RXFP1: variants seen among roughly 807,000 people sequenced by gnomAD.
RXFP1 encodes relaxin family peptide receptor 1.
RXFP1 carries 73 observed loss-of-function variants against 89.8 expected under a neutral mutation model. That is an observed-to-expected ratio of 0.81 (90% CI 0.67 to 0.99). RXFP1 has a LOEUF of 0.99. Ranked by LOEUF, RXFP1 falls within the 50% of genes least tolerant of loss-of-function variation. RXFP1 has a pLI of 0.00. For missense variants in RXFP1, 793 were observed against 895.5 expected (o/e 0.89, Z 1.46); for synonymous variants, 277 against 305.5 (o/e 0.91, Z 0.97).
rs1042015986 is a variant in RXFP1 at position 158,531,047 on chromosome 4, C to CT, written c.49+9028dup. On this transcript the variant is annotated intron_variant, in intron 1 of 17. Coordinates refer to ENST00000307765, the MANE Select transcript of RXFP1 (RefSeq NM_021634.4). ...CTTCAATCCCCTAGAGGCTTTGAGT[C>CT]TTTTTTGAGACAGGGTCTTGCTCTC... Among the ~76,000 whole-genome samples, 8 of 152,172 alleles carry CT rather than the reference C, an allele frequency of 5.3e-5. No homozygotes were observed. In the South Asian group the frequency reaches 1.2e-3, roughly 24 times the overall value.
chr4:158,599,521 AT>A, intron 4 of RXFP1, 90 bp downstream of exon 4: 1 of 1,012,760 alleles, frequency 9.9e-7, no homozygotes, highest in Non-Finnish European at 1.4e-6. Context: ...TTCATAATAT[AT>A]TTTTATTCAA....
chr4:158,623,978 A>AT (rs907024667), intron 9 of RXFP1, among the ~76,000 whole-genome samples: 39 of 151,584 alleles, frequency 2.6e-4, no homozygotes, highest in African/African-American at 7.3e-4. Flanking sequence ...CCAACTCTAG[A>AT]TTTTTTTTTC....
chr4:158,629,701 A>G (rs147343881), intron 11 of RXFP1, among the ~76,000 whole-genome samples: 22 of 152,064 alleles, frequency 1.4e-4, no homozygotes, highest in African/African-American at 5.3e-4. Context: ...ATCATAGCTC[A>G]CCGTAACCTC....
chr4:158,563,539 C>G (rs973309424), intron 1 of RXFP1, among the ~76,000 whole-genome samples: 2 of 144,150 alleles, frequency 1.4e-5, no homozygotes, highest in African/African-American at 5.1e-5. Context: ...CACACACACC[C>G]CAACAGGAAT....
chr4:158,599,370 C>T lies in RXFP1; in HGVS notation c.331C>T (p.Leu111Phe), dbSNP rs779020499. The change falls in exon 4 of 18, where the codon CTT (leucine) becomes TTT (phenylalanine). Residue 111 changes from leucine to phenylalanine, a missense_variant. Coordinates refer to ENST00000307765, the MANE Select transcript of RXFP1 (RefSeq NM_021634.4). ...GCAATGTCTTTGCCAAGGTCTGGAGCTTGACTGTGATGAAACCAATTTACG... is the reference window on the plus strand; with the variant it reads ...GCAATGTCTTTGCCAAGGTCTGGAGTTTGACTGTGATGAAACCAATTTACG... ...PVQCLCQGLE[L>F]DCDETNLRAV... is the part of the protein sequence containing the mutation. 1 of 1,613,894 alleles carries T rather than the reference C, an allele frequency of 6.2e-7. No homozygotes were observed. The highest frequency in any genetic ancestry group is 1.1e-5 in the South Asian group (1 of 91,058).
chr4:158,622,276 A>G (rs575981047), intron 9 of RXFP1, among the ~76,000 whole-genome samples: 1 of 152,120 alleles, frequency 6.6e-6, no homozygotes, highest in African/African-American at 2.4e-5. Context: ...ACACCCCTGC[A>G]CTCCAGCCTG....
At chr4:158,600,319 A>G (rs1291148352) in intron 4 of RXFP1, among the ~76,000 whole-genome samples, 3 of 152,010 alleles carry the variant, frequency 2.0e-5, no homozygotes, top group Admixed American at 6.5e-5. Flanking sequence ...AAGAGCTACA[A>G]CTCAGAGTTC....
chr4:158,617,538 T>C (rs79062778), intron 9 of RXFP1, among the ~76,000 whole-genome samples: 9,014 of 151,874 alleles, frequency 0.059, 387 homozygotes, highest in Middle Eastern at 0.11. Context: ...CCTACTAATT[T>C]GGTACAGAAA....
At chr4:158,610,745 A>G in intron 6 of RXFP1, 1 of 1,273,258 alleles carries the variant, frequency 7.9e-7, no homozygotes, top group Non-Finnish European at 1.0e-6. Context: ...TTTGTATAAG[A>G]GAACACCCTG....
chr4:158,576,245 C>A (rs2150010029), intron 2 of RXFP1, among the ~76,000 whole-genome samples: 1 of 152,242 alleles, frequency 6.6e-6, no homozygotes, highest in Admixed American at 6.5e-5. Context: ...AATTCATCAA[C>A]ATTACCCAAG....
intron 3 of RXFP1, 141 bp downstream of exon 3, chr4:158,593,640 G>A: frequency 7.6e-6 from 4 of 527,438 alleles, no homozygotes; most frequent in South Asian, 3.2e-5. Flanking sequence ...ATTCGTAAGA[G>A]GTCAATTATA....
Position 158,633,364 on chromosome 4 carries a change from C to T in RXFP1, c.900-41C>T, listed in dbSNP as rs776023709. ...TGAATTTCAGAACAATGAGTAAAGT[C>T]TTAAGAAAATAATATCACATATTTG... On this transcript the variant is annotated intron_variant, in intron 11 of 17. Coordinates refer to ENST00000307765, the MANE Select transcript of RXFP1 (RefSeq NM_021634.4). 2.3e-6 allele frequency: 3 copies of T among 1,296,868 alleles called. No individual in the cohort carries two copies. In the South Asian group the frequency reaches 3.6e-5, roughly 16 times the overall value. The allele number at this position is 1,296,868 out of a possible 1,614,324, so 80.3% of individuals were successfully genotyped here. A position where few individuals can be genotyped will look rare whatever the true frequency, so the allele number is the denominator to read the frequency against.
intron 2 of RXFP1, among the ~76,000 whole-genome samples, chr4:158,576,492 G>A (rs1164631294): frequency 6.6e-6 from 1 of 151,940 alleles, no homozygotes; most frequent in Non-Finnish European, 1.5e-5. Context: ...CAGACCTATT[G>A]AATCAAAAGC....
intron 1 of RXFP1, among the ~76,000 whole-genome samples, chr4:158,524,745 C>T (rs990762561): frequency 1.3e-5 from 2 of 151,942 alleles, no homozygotes; most frequent in African/African-American, 2.4e-5. Context: ...TTTCAAAATC[C>T]GTGGTTAAAA....
At chr4:158,525,609 A>C (rs947663783) in intron 1 of RXFP1, among the ~76,000 whole-genome samples, 1 of 152,210 alleles carries the variant, frequency 6.6e-6, no homozygotes, top group Non-Finnish European at 1.5e-5. Context: ...CTGTCTGAAA[A>C]ACTGTAAGCA....
chr4:158,551,542 A>G (rs1426635676), intron 1 of RXFP1, among the ~76,000 whole-genome samples: 1 of 99,168 alleles, frequency 1.0e-5, no homozygotes, highest in Non-Finnish European at 2.0e-5. Context: ...GATGATGATT[A>G]TGTTAATTGG....
intron 2 of RXFP1, among the ~76,000 whole-genome samples, chr4:158,581,240 C>T (rs1450773679): frequency 6.6e-6 from 1 of 152,190 alleles, no homozygotes; most frequent in African/African-American, 2.4e-5. Flanking sequence ...TAAGCACATT[C>T]TCTCATTCCT....
chr4:158,590,252 C>A (rs1340757922), intron 2 of RXFP1, among the ~76,000 whole-genome samples: 1 of 152,108 alleles, frequency 6.6e-6, no homozygotes, highest in East Asian at 1.9e-4. Context: ...GCAACCTCTG[C>A]CCCACAAGTT....
At chr4:158,647,499 G>T (rs1208506169) in intron 16 of RXFP1, among the ~76,000 whole-genome samples, 1 of 152,168 alleles carries the variant, frequency 6.6e-6, no homozygotes, top group Non-Finnish European at 1.5e-5. Context: ...TCTTTGGCTT[G>T]TGAGTATATA....
Sources: gnomAD v4.1 joint callset for allele counts (sites outside exome capture counted in the v4.1 genomes callset) on GRCh38, gnomAD v4.1.1 for gene constraint, MANE v1.5 for transcripts, NCBI Gene and HGNC (gene_info 2026-07-23, HGNC 2026-07-21) for gene names.